LRIG3: variants seen among roughly 807,000 people sequenced by gnomAD.
The protein encoded by LRIG3 is leucine-rich repeats and immunoglobulin-like domains protein 3.
A neutral mutation model predicts 114.5 loss-of-function variants in LRIG3; 76 were observed. The ratio of observed to expected loss-of-function variants is 0.66; its 90% CI spans 0.55 to 0.80. The LOEUF is 0.80. Ranked by LOEUF, LRIG3 falls within the 30% of genes least tolerant of loss-of-function variation. The probability of loss-of-function intolerance (pLI) is 0.00; values close to 1 mark genes in which losing one functional copy is unlikely to be tolerated. For missense variants in LRIG3, 1,239 were observed against 1,382.8 expected, an observed-to-expected ratio of 0.90 and a Z score of 1.65; for synonymous variants, 512 against 519.8, an observed-to-expected ratio of 0.98 and a Z score of 0.20.
chr12:58,884,063 T>C (rs1272731332), intron 10 of LRIG3, among the ~76,000 whole-genome samples: 2 of 152,184 alleles, frequency 1.3e-5, no homozygotes, highest in Non-Finnish European at 2.9e-5. Context: ...CAAAATATGA[T>C]GGTATTACTA....
intron 3 of LRIG3, among the ~76,000 whole-genome samples, chr12:58,910,119 T>G (rs1346646748): frequency 6.6e-6 from 1 of 152,178 alleles, no homozygotes; most frequent in Non-Finnish European, 1.5e-5. Flanking sequence ...AAGACAATGA[T>G]GGACTAAGAA....
chr12:58,887,058 G>A, intron 8 of LRIG3, 168 bp from the exon 9 acceptor site: 1 of 545,210 alleles, frequency 1.8e-6, no homozygotes, highest in Middle Eastern at 2.9e-4. Flanking sequence ...CTTACACCCT[G>A]CCTGATTCCC....
intron 3 of LRIG3, among the ~76,000 whole-genome samples, chr12:58,891,920 T>C (rs552825510): frequency 1.3e-5 from 2 of 152,230 alleles, no homozygotes; most frequent in African/African-American, 4.8e-5. Context: ...ACATTTCAAG[T>C]GCTCAATAGC....
chr12:58,873,919 C>T (rs2293659), intron 18 of LRIG3, 136 bp downstream of exon 18: 24 of 993,802 alleles, frequency 2.4e-5, no homozygotes, highest in African/African-American at 3.2e-5. Context: ...TTTACACTAA[C>T]TAGTCGGATG....
intron 12 of LRIG3, 112 bp from the exon 13 acceptor site, chr12:58,881,013 T>C (rs1871111657): frequency 9.9e-7 from 1 of 1,010,120 alleles, no homozygotes; most frequent in African/African-American, 1.6e-5. Flanking sequence ...TTTTACCCTT[T>C]GTGTATGTTT....
intron 3 of LRIG3, among the ~76,000 whole-genome samples, chr12:58,912,488 T>A: frequency 6.6e-6 from 1 of 151,752 alleles, no homozygotes; most frequent in Non-Finnish European, 1.5e-5. Context: ...AGAGCAAGAC[T>A]CTGTCTCAAA....
In LRIG3 at chr12:58,872,493, A is replaced by G. The variant is rs1320817985; in HGVS notation, c.*79T>C. On this transcript the variant is annotated 3_prime_UTR_variant, in exon 19 of 19. Coordinates refer to ENST00000320743, the MANE Select transcript of LRIG3 (RefSeq NM_153377.5). ...TTTTAAAATTCATAACTCCATTTAA[A>G]AAACATAAGATTCTCTCTCTTTTAA... The G allele has an allele frequency of 7.1e-7, 1 of 1,412,986 alleles. No individual in the cohort carries two copies. Among genetic ancestry groups the G allele is most frequent in the African/African-American group, 1.4e-5 (1 of 70,060 alleles). 87.5% of individuals were successfully genotyped at this position (1,412,986 alleles called of 1,614,324 possible).
At chr12:58,912,578 A>G (rs1872325536) in intron 3 of LRIG3, among the ~76,000 whole-genome samples, 1 of 152,182 alleles carries the variant, frequency 6.6e-6, no homozygotes, top group East Asian at 1.9e-4. Context: ...ACGCTATACC[A>G]TGCCAAAGAG....
chr12:58,913,795 A>G (rs1323398656), intron 3 of LRIG3, 187 bp downstream of exon 3: 3 of 559,916 alleles, frequency 5.4e-6, no homozygotes, highest in Non-Finnish European at 9.3e-6. Context: ...ATAAGAATAC[A>G]TGAAATTTAG....
At chr12:58,902,706 C>T (rs1871904420) in intron 3 of LRIG3, among the ~76,000 whole-genome samples, 2 of 146,688 alleles carry the variant, frequency 1.4e-5, no homozygotes, top group South Asian at 2.3e-4. Flanking sequence ...TCTCCTAATG[C>T]TATCCCTCCT....
At chr12:58,876,306 A>C in intron 16 of LRIG3, 139 bp downstream of exon 16, 1 of 828,282 alleles carries the variant, frequency 1.2e-6, no homozygotes, top group African/African-American at 1.7e-5. Flanking sequence ...GAACTATACA[A>C]TTTCAACCTT....
intron 9 of LRIG3, 94 bp downstream of exon 9, chr12:58,886,716 T>A: frequency 1.0e-6 from 1 of 997,478 alleles, no homozygotes; most frequent in Non-Finnish European, 1.6e-6. Context: ...TGATTTCTCA[T>A]CTCTTCATGA....
intron 1 of LRIG3, among the ~76,000 whole-genome samples, chr12:58,915,677 A>C (rs1156329223): frequency 6.6e-6 from 1 of 152,186 alleles, no homozygotes; most frequent in African/African-American, 2.4e-5. Context: ...ACAGTCTTTA[A>C]ACTATAAAAA....
intron 3 of LRIG3, 96 bp downstream of exon 3, chr12:58,913,886 A>G (rs1872375107): frequency 3.6e-6 from 4 of 1,104,894 alleles, no homozygotes; most frequent in Admixed American, 2.4e-5. Context: ...AAAATATTCC[A>G]TTTTTTTCTT....
chr12:58,878,876 T>A lies in LRIG3; in HGVS notation c.2031A>T (p.Thr677=). Residue 677 remains threonine (T), a synonymous_variant, in exon 14 of 19, where the codon ACA becomes ACT. Coordinates refer to ENST00000320743, the MANE Select transcript of LRIG3 (RefSeq NM_153377.5). ...KIEDIGVYSC[T]AQNSAGSISA... is the part of the protein sequence containing the mutation. The stretch of plus-strand genomic sequence containing the variant: ...AAATACTTCCTGCACTGTTCTGAGC[T>A]GTGCAGCTGTATACCCCAATGTCCT... The A allele has an allele frequency of 6.2e-7, 1 of 1,614,238 alleles. No individual in the cohort carries two copies. The highest frequency in any genetic ancestry group is 8.5e-7 in the Non-Finnish European group (1 of 1,180,038).
chr12:58,889,858 T>C, intron 5 of LRIG3, 138 bp downstream of exon 5: 3 of 1,097,544 alleles, frequency 2.7e-6, no homozygotes, highest in Non-Finnish European at 3.9e-6. Context: ...TTGGAGATTC[T>C]ACAGCTCCAA....
chr12:58,873,772 A>G, intron 18 of LRIG3: 1 of 466,824 alleles, frequency 2.1e-6, no homozygotes, highest in Non-Finnish European at 3.8e-6. Context: ...TGACAAGCTG[A>G]GCTCCTAAGT....
At chr12:58,886,965 A>G (rs758620393) in intron 8 of LRIG3, 75 bp from the exon 9 acceptor site, 69 of 1,111,626 alleles carry the variant, frequency 6.2e-5, no homozygotes, top group Non-Finnish European at 8.0e-5. Flanking sequence ...GTGGCATATC[A>G]TTTGTAAAAA....
At chr12:58,892,482 C>T (rs1013772481) in intron 3 of LRIG3, among the ~76,000 whole-genome samples, 2 of 152,176 alleles carry the variant, frequency 1.3e-5, no homozygotes, top group African/African-American at 4.8e-5. Flanking sequence ...ATTATTGTAA[C>T]TCATCAGTCT....
Sources: allele counts gnomAD v4.1 joint callset (sites outside exome capture counted in the v4.1 genomes callset), GRCh38; gene constraint gnomAD v4.1.1; transcripts MANE v1.5; gene names NCBI Gene and HGNC (gene_info 2026-07-23, HGNC 2026-07-21).